Variants in ERGIC1 observed in about 807,000 individuals in gnomAD.
The protein encoded by ERGIC1 is endoplasmic reticulum-golgi intermediate compartment 1.
ERGIC1 carries 19 observed loss-of-function variants against 38.3 expected under a neutral mutation model. That is an observed-to-expected ratio of 0.50 (90% CI 0.35 to 0.73). ERGIC1 has a LOEUF of 0.73. Ranked by LOEUF, ERGIC1 falls within the 30% of genes least tolerant of loss-of-function variation. ERGIC1 has a pLI of 0.01. For missense variants in ERGIC1, 294 were observed against 389.2 expected (o/e 0.76, Z 2.06); for synonymous variants, 124 against 157.6 (o/e 0.79, Z 1.60).
chr5:172,835,367 C>T (rs1200717518), intron 1 of ERGIC1, among the ~76,000 whole-genome samples: 12 of 152,164 alleles, frequency 7.9e-5, no homozygotes, highest in Admixed American at 7.9e-4. Context: ...TCCCTGTCGC[C>T]GCTCGGCTGG....
chr5:172,887,706 T>C (rs1762457182), intron 1 of ERGIC1, among the ~76,000 whole-genome samples: 1 of 152,146 alleles, frequency 6.6e-6, no homozygotes, highest in Non-Finnish European at 1.5e-5. Context: ...TCTGGTGGGA[T>C]CCATAGGAAA....
chr5:172,871,689 A>G (rs1255027084), intron 1 of ERGIC1, among the ~76,000 whole-genome samples: 1 of 152,024 alleles, frequency 6.6e-6, no homozygotes, highest in Admixed American at 6.6e-5. Flanking sequence ...AAGGAGAGAG[A>G]GGGGGTGATG....
At chr5:172,944,533 A>G (rs979950878) in intron 9 of ERGIC1, among the ~76,000 whole-genome samples, 1 of 152,024 alleles carries the variant, frequency 6.6e-6, no homozygotes, top group Non-Finnish European at 1.5e-5. Context: ...TAATTTTTGT[A>G]TTTTTAGTAG....
chr5:172,886,424 C>T (rs577482040), intron 1 of ERGIC1, among the ~76,000 whole-genome samples: 2 of 152,122 alleles, frequency 1.3e-5, no homozygotes, highest in Admixed American at 1.3e-4. Context: ...TCAGGTACCC[C>T]CTCCTGAGTT....
At chr5:172,928,750 G>A (rs1382493643) in intron 7 of ERGIC1, among the ~76,000 whole-genome samples, 2 of 151,970 alleles carry the variant, frequency 1.3e-5, no homozygotes, top group Non-Finnish European at 2.9e-5. Context: ...CGGTCATGAG[G>A]ACCTCGGCCT....
At chr5:172,838,346 C>G (rs1042429082) in intron 1 of ERGIC1, among the ~76,000 whole-genome samples, 8 of 152,152 alleles carry the variant, frequency 5.3e-5, no homozygotes, top group South Asian at 2.1e-4. Flanking sequence ...CATGGACCCC[C>G]CTCTGAGTGT....
Position 172,861,465 on chromosome 5 carries a change from A to G in ERGIC1, c.20+27032A>G, listed in dbSNP as rs535683974. Among the ~76,000 whole-genome samples the G allele has an allele frequency of 3.3e-5, 5 of 152,326 alleles. No homozygotes were observed. The South Asian group carries it at 1.0e-3, about 32-fold the overall frequency. Reference sequence around the variant, plus strand: ...GGCGCAGGCTTTGCCTGTCTTGTTCATGCCTGTTGCCCCAGTGCCATCAAT... The same window carrying G: ...GGCGCAGGCTTTGCCTGTCTTGTTCGTGCCTGTTGCCCCAGTGCCATCAAT... On this transcript the variant is annotated intron_variant, in intron 1 of 9. Transcript: ENST00000393784.
chr5:172,862,537 C>T (rs956908016), intron 1 of ERGIC1, among the ~76,000 whole-genome samples: 1 of 152,144 alleles, frequency 6.6e-6, no homozygotes. Context: ...GAATTCTCCA[C>T]AGCAAGCTGG....
At chr5:172,947,061 G>A (rs905025015) in intron 9 of ERGIC1, among the ~76,000 whole-genome samples, 7 of 151,820 alleles carry the variant, frequency 4.6e-5, no homozygotes, top group African/African-American at 1.5e-4. Context: ...GTGGGCACCT[G>A]TAATCCCAGC....
chr5:172,889,564 A>G (rs1762508116), intron 2 of ERGIC1, among the ~76,000 whole-genome samples: 1 of 152,174 alleles, frequency 6.6e-6, no homozygotes, highest in African/African-American at 2.4e-5. Context: ...CTAGGAGCCA[A>G]CTTGAAAGTC....
chr5:172,912,192 G>A (rs1253042236), intron 4 of ERGIC1, among the ~76,000 whole-genome samples: 3 of 151,398 alleles, frequency 2.0e-5, no homozygotes, highest in Non-Finnish European at 2.9e-5. Flanking sequence ...CCTGTCCTGC[G>A]TCCTTTGGCT....
At chr5:172,855,064 C>T (rs760922989) in intron 1 of ERGIC1, among the ~76,000 whole-genome samples, 23 of 152,208 alleles carry the variant, frequency 1.5e-4, no homozygotes, top group Non-Finnish European at 1.5e-4. Context: ...ATGGACTCAG[C>T]TCTCCTTCAG....
chr5:172,845,911 G>A (rs1238230726), intron 1 of ERGIC1, among the ~76,000 whole-genome samples: 1 of 152,028 alleles, frequency 6.6e-6, no homozygotes, highest in East Asian at 1.9e-4. Flanking sequence ...TGTGTCCCCA[G>A]GCTCCTCTGG....
chr5:172,904,034 G>A (rs1356935583), intron 3 of ERGIC1, among the ~76,000 whole-genome samples: 3 of 151,790 alleles, frequency 2.0e-5, no homozygotes, highest in Non-Finnish European at 4.4e-5. Context: ...CTCCTGCCCT[G>A]GGGCAGCCAA....
At chr5:172,864,768 T>C (rs546637594) in intron 1 of ERGIC1, among the ~76,000 whole-genome samples, 1 of 151,296 alleles carries the variant, frequency 6.6e-6, no homozygotes, top group Non-Finnish European at 1.5e-5. Flanking sequence ...TTTGAGCACC[T>C]ATTATATGCT....
At chr5:172,932,647 G>A in intron 8 of ERGIC1, 111 bp downstream of exon 8, 2 of 1,105,772 alleles carry the variant, frequency 1.8e-6, no homozygotes, top group African/African-American at 1.6e-5. Flanking sequence ...CCTTTCTGGA[G>A]GCCTTTCCTG....
intron 1 of ERGIC1, among the ~76,000 whole-genome samples, chr5:172,870,892 G>A (rs758842296): frequency 6.6e-6 from 1 of 152,226 alleles, no homozygotes; most frequent in Non-Finnish European, 1.5e-5. Flanking sequence ...AAGACTCACA[G>A]TCTTCCCTGG....
chr5:172,915,877 GT>G (rs1763352746), intron 5 of ERGIC1: 1 of 302,874 alleles, frequency 3.3e-6, no homozygotes, highest in African/African-American at 2.2e-5. Context: ...CTGAGCTGGG[GT>G]TGCAAAGTCA....
chr5:172,934,622 G>A (rs759139122), intron 8 of ERGIC1: 113 of 161,298 alleles, frequency 7.0e-4, no homozygotes, highest in Non-Finnish European at 1.3e-3. Context: ...CCCAGATGCC[G>A]CCCGGGAGAA....
Sources: gnomAD v4.1 joint callset for allele counts (sites outside exome capture counted in the v4.1 genomes callset) on GRCh38, gnomAD v4.1.1 for gene constraint, MANE v1.5 for transcripts, NCBI Gene and HGNC (gene_info 2026-07-23, HGNC 2026-07-21) for gene names.